ZC4H2: variants seen among roughly 807,000 people sequenced by gnomAD.
ZC4H2 encodes zinc finger C4H2-type containing, also known as zinc finger C4H2 domain-containing protein.
For synonymous variants in ZC4H2, 84 were observed against 66.3 expected, an observed-to-expected ratio of 1.27 and a Z score of -1.30; for missense variants, 137 against 173.9, an observed-to-expected ratio of 0.79 and a Z score of 1.19.
chrX:64,992,752 C>G (rs745888036), intron 1 of ZC4H2, among the ~76,000 whole-genome samples: 103 of 111,305 alleles, frequency 9.3e-4, no homozygotes, highest in African/African-American at 3.3e-3. Flanking sequence ...CCACACATAC[C>G]AAGCACTATC....
At chrX:64,979,281 G>A (rs191903838), upstream of ZC4H2, among the ~76,000 whole-genome samples, 184 of 112,233 alleles carry the variant, frequency 1.6e-3, no homozygotes, top group African/African-American at 5.8e-3. Context: ...TTTTCAGCCA[G>A]AAGGTGCACT....
At chrX:65,028,213 G>A (rs1198568823) in intron 1 of ZC4H2, among the ~76,000 whole-genome samples, 2 of 110,903 alleles carry the variant, frequency 1.8e-5, no homozygotes, top group African/African-American at 6.6e-5. Flanking sequence ...AGAATTCCCA[G>A]AGGGCTTTTA....
At chrX:65,017,598 G>C (rs1932805915) in intron 1 of ZC4H2, among the ~76,000 whole-genome samples, 1 of 112,058 alleles carries the variant, frequency 8.9e-6, no homozygotes, top group South Asian at 3.7e-4. Flanking sequence ...ATCTCAGCCA[G>C]AGGAGGTTTC....
Position 64,952,743 on chromosome X carries a change from C to T in ZC4H2, c.53+23582G>A, listed in dbSNP as rs191126786. 4.3e-4 allele frequency among the ~76,000 whole-genome samples: 47 copies of T among 109,918 alleles called. 1 individual carries two copies. Among genetic ancestry groups the T allele is most frequent in the Non-Finnish European group, 8.2e-4 (43 of 52,740 alleles). The stretch of plus-strand genomic sequence containing the variant: ...AATATCGTGAAAATGGCCATACTGC[C>T]CAAGGTAATTTATAGATTCAATGTC... On this transcript the variant is annotated intron_variant, in intron 1 of 4. Transcript: ENST00000374839.
intron 1 of ZC4H2, among the ~76,000 whole-genome samples, chrX:64,946,244 C>T (rs1440732059): frequency 1.8e-5 from 2 of 111,777 alleles, no homozygotes; most frequent in Non-Finnish European, 3.8e-5. Flanking sequence ...CCTGGTGGTA[C>T]AGGTCCATGA....
chrX:64,941,558 A>G (rs1048416469), intron 1 of ZC4H2, among the ~76,000 whole-genome samples: 3 of 111,885 alleles, frequency 2.7e-5, no homozygotes, highest in African/African-American at 9.7e-5. Context: ...TTATTTTGAG[A>G]TATGTTCCAT....
intron 1 of ZC4H2, among the ~76,000 whole-genome samples, chrX:64,987,217 C>T (rs773928432): frequency 1.8e-5 from 2 of 110,406 alleles, no homozygotes; most frequent in South Asian, 3.8e-4. Context: ...TGTGAGCCAC[C>T]GTGCCTGGCC....
At chrX:65,029,579 A>G (rs1932914477) in intron 1 of ZC4H2, among the ~76,000 whole-genome samples, 1 of 111,451 alleles carries the variant, frequency 9.0e-6, no homozygotes, top group African/African-American at 3.3e-5. Flanking sequence ...GGAGAATAAT[A>G]TAGTTGAGAC....
chrX:64,958,600 A>G (rs1460701296), intron 1 of ZC4H2, among the ~76,000 whole-genome samples: 1 of 111,399 alleles, frequency 9.0e-6, no homozygotes, highest in Non-Finnish European at 1.9e-5. Flanking sequence ...CCTCCAAAAT[A>G]ACATTTAAGT....
rs1928903870 is a variant in ZC4H2, at chrX:64,916,033, A to T, written c.*1750T>A. On this transcript the variant is annotated 3_prime_UTR_variant, in exon 5 of 5. Coordinates refer to ENST00000374839, the MANE Select transcript of ZC4H2 (RefSeq NM_018684.4). Reference sequence around the variant, plus strand: ...AGGGAGAAAGGTTTTCTTAAAAATGATCATGGAGAAGAAGTAGAAAAAAAT... The same window carrying T: ...AGGGAGAAAGGTTTTCTTAAAAATGTTCATGGAGAAGAAGTAGAAAAAAAT... 1 of 112,120 alleles carries T rather than the reference A, an allele frequency of 8.9e-6. No homozygotes were observed. Among genetic ancestry groups the T allele is most frequent in the Non-Finnish European group, 1.9e-5 (1 of 53,264 alleles). 9.2% of individuals were successfully genotyped at this position (112,120 alleles called of 1,213,427 possible). A position where few individuals can be genotyped will look rare whatever the true frequency, so the allele number is the denominator to read the frequency against.
At chrX:65,003,259 A>C (rs1253482342) in intron 1 of ZC4H2, among the ~76,000 whole-genome samples, 1 of 111,690 alleles carries the variant, frequency 9.0e-6, no homozygotes, top group Non-Finnish European at 1.9e-5. Context: ...AATGTACCAG[A>C]TTCTCTAGGA....
chrX:64,928,639 C>CTTCTTCTTCTTT (rs1929550168), intron 1 of ZC4H2, among the ~76,000 whole-genome samples: 1 of 65,599 alleles, frequency 1.5e-5, no homozygotes, highest in African/African-American at 4.5e-5. Flanking sequence ...TCTCCTTCTT[C>CTTCTTCTTCTTT]TTCTTCTTCT....
chrX:65,005,847 G>A lies in ZC4H2; in HGVS notation c.-272+28782C>T, dbSNP rs184941219. Among the ~76,000 whole-genome samples the A allele has an allele frequency of 2.0e-3, 216 of 107,088 alleles. 1 individual carries two copies. Among genetic ancestry groups the A allele is most frequent in the African/African-American group, 7.1e-3 (210 of 29,468 alleles). 93.0% of individuals were successfully genotyped at this position (107,088 alleles called of 115,157 possible). A position where few individuals can be genotyped will look rare whatever the true frequency, so the allele number is the denominator to read the frequency against. ...CTAATATACAGAATCTACAAGGAAC[G>A]TAAACACATTTAGAAAAAAAAAAAG... On this transcript the variant is annotated intron_variant, in intron 1 of 4. Coordinates refer to the ZC4H2 transcript ENST00000337990.
chrX:65,034,299 T>C (rs1273755190), intron 1 of ZC4H2, among the ~76,000 whole-genome samples: 1 of 110,847 alleles, frequency 9.0e-6, no homozygotes, highest in Non-Finnish European at 1.9e-5. Flanking sequence ...GCTGTTGCAG[T>C]AGTCAAGAAT....
At chrX:64,938,801 G>C (rs5918900) in intron 1 of ZC4H2, among the ~76,000 whole-genome samples, 107 of 111,680 alleles carry the variant, frequency 9.6e-4, no homozygotes, top group African/African-American at 3.4e-3. Flanking sequence ...AATAATAAGA[G>C]CTATTTATGA....
intron 1 of ZC4H2, among the ~76,000 whole-genome samples, chrX:64,960,652 T>C (rs1353954319): frequency 8.9e-6 from 1 of 112,338 alleles, no homozygotes; most frequent in African/African-American, 3.2e-5. Context: ...GGAATACAAA[T>C]ACATGCAGCA....
Position 64,917,453 on chromosome X carries a change from AGGCTCCAGGCCTCAGG to A in ZC4H2, c.*314_*329del, listed in dbSNP as rs1928984628. ...TGCCCCTCAGACCCTACAGCTCCTT[AGGCTCCAGGCCTCAGG>A]CACAAGAGATAGAGAATCATATCTG... On this transcript the variant is annotated 3_prime_UTR_variant, in exon 5 of 5. Coordinates refer to ENST00000374839, the MANE Select transcript of ZC4H2 (RefSeq NM_018684.4). 3 of 189,394 alleles carry A rather than the reference AGGCTCCAGGCCTCAGG, an allele frequency of 1.6e-5. No individual in the cohort carries two copies. Among genetic ancestry groups the A allele is most frequent in the South Asian group, 1.1e-4 (1 of 9,056 alleles). The allele number at this position is 189,394 out of a possible 1,213,427, so 15.6% of individuals were successfully genotyped here. A position where few individuals can be genotyped will look rare whatever the true frequency, so the allele number is the denominator to read the frequency against.
At chrX:64,973,590 G>A (rs1249655346) in intron 1 of ZC4H2, among the ~76,000 whole-genome samples, 1 of 110,402 alleles carries the variant, frequency 9.1e-6, no homozygotes, top group Non-Finnish European at 1.9e-5. Context: ...CAAGAGGAAA[G>A]AGAAAGTCTA....
At chrX:65,005,131 A>C (rs1385714716) in intron 1 of ZC4H2, among the ~76,000 whole-genome samples, 1 of 112,192 alleles carries the variant, frequency 8.9e-6, no homozygotes, top group Non-Finnish European at 1.9e-5. Flanking sequence ...AGGAAGAATA[A>C]ATATCATGAA....
Sources: allele counts gnomAD v4.1 joint callset (sites outside exome capture counted in the v4.1 genomes callset), GRCh38; gene constraint gnomAD v4.1.1; transcripts MANE v1.5; gene names NCBI Gene and HGNC (gene_info 2026-07-23, HGNC 2026-07-21).